Variants in FHIT observed in about 807,000 individuals in gnomAD.
The protein encoded by FHIT is bis(5'-adenosyl)-triphosphatase.
In FHIT, 19 loss-of-function variants were observed where a neutral mutation model predicts 17.9. The observed-to-expected ratio is 1.06, with a 90% CI of 0.74 to 1.56. The LOEUF (loss-of-function observed/expected upper bound fraction) is 1.56, where lower values mean the gene tolerates loss of function less well. Among genes scored for constraint, FHIT ranks in the 40% most tolerant of loss-of-function variants. FHIT has a pLI of 0.00. For synonymous variants in FHIT, 81 were observed against 69.7 expected (o/e 1.16, Z -0.81); for missense variants, 248 against 189.2 (o/e 1.31, Z -1.82).
At chr3:60,755,513 C>A (rs1553718052) in intron 4 of FHIT, among the ~76,000 whole-genome samples, 1 of 152,196 alleles carries the variant, frequency 6.6e-6, no homozygotes, top group East Asian at 1.9e-4. Context: ...AATTTGCAAC[C>A]TCTGGTTTCT....
chr3:60,533,308 G>T (rs112191564), intron 5 of FHIT, among the ~76,000 whole-genome samples: 32 of 152,280 alleles, frequency 2.1e-4, no homozygotes, highest in African/African-American at 7.5e-4. Flanking sequence ...TCTCTATTCT[G>T]TTAACTGGAA....
intron 4 of FHIT, among the ~76,000 whole-genome samples, chr3:60,810,197 C>T (rs528657636): frequency 7.9e-5 from 12 of 152,168 alleles, no homozygotes; most frequent in Non-Finnish European, 1.5e-4. Context: ...TTTTCATCAG[C>T]TGGCAGAATG....
chr3:59,976,322 C>T (rs761102310), intron 7 of FHIT, among the ~76,000 whole-genome samples: 2 of 152,058 alleles, frequency 1.3e-5, no homozygotes, highest in Admixed American at 6.6e-5. Flanking sequence ...CAAAAATACC[C>T]GCTAAAGGAA....
chr3:60,531,765 T>G (rs1406091609), intron 5 of FHIT, among the ~76,000 whole-genome samples: 2 of 152,256 alleles, frequency 1.3e-5, no homozygotes, highest in Non-Finnish European at 2.9e-5. Flanking sequence ...AATGAAGCTA[T>G]TTTTATTATT....
intron 8 of FHIT, among the ~76,000 whole-genome samples, chr3:59,762,917 GCTCA>G (rs1264401867): frequency 6.6e-6 from 1 of 152,176 alleles, no homozygotes; most frequent in African/African-American, 2.4e-5. Flanking sequence ...CTAAAAACAT[GCTCA>G]CTGAGAAATG....
intron 3 of FHIT, among the ~76,000 whole-genome samples, chr3:61,002,452 G>A (rs1208401247): frequency 6.6e-6 from 1 of 152,118 alleles, no homozygotes; most frequent in East Asian, 1.9e-4. Context: ...TGTAGAGACA[G>A]GTTCTCACTA....
At position 59,809,552 on chromosome 3, in the gene FHIT, A is replaced by G. The variant is rs543539897; in HGVS notation, c.349-57231T>C. Among the ~76,000 whole-genome samples the G allele has an allele frequency of 6.6e-5, 10 of 152,278 alleles. No individual in the cohort carries two copies. In the South Asian group the frequency reaches 2.1e-3, roughly 32 times the overall value. ...TCCCAATTCCCTCTTCTTTTATACA[A>G]TTGTACAACCCTATTTGAAACATGG... On this transcript the variant is annotated intron_variant, in intron 8 of 9. Coordinates refer to ENST00000492590, the MANE Select transcript of FHIT (RefSeq NM_002012.4).
chr3:60,282,648 T>A (rs543152775), intron 5 of FHIT, among the ~76,000 whole-genome samples: 2 of 152,126 alleles, frequency 1.3e-5, no homozygotes, highest in Admixed American at 1.3e-4. Context: ...GTATTAATAG[T>A]AGGAGACACT....
At chr3:60,301,478 A>G (rs754824462) in intron 5 of FHIT, among the ~76,000 whole-genome samples, 1 of 152,134 alleles carries the variant, frequency 6.6e-6, no homozygotes, top group Non-Finnish European at 1.5e-5. Flanking sequence ...ACCCATACAC[A>G]TAAACTCTGT....
intron 2 of FHIT, among the ~76,000 whole-genome samples, chr3:61,043,759 A>G (rs142263613): frequency 0.013 from 2,009 of 152,312 alleles, 22 homozygotes; most frequent in Non-Finnish European, 0.019. Context: ...CACACAGCCA[A>G]GTACCCCTCT....
chr3:60,301,115 C>T (rs530389037), intron 5 of FHIT, among the ~76,000 whole-genome samples: 11 of 152,088 alleles, frequency 7.2e-5, no homozygotes, highest in Middle Eastern at 3.4e-3. Context: ...AAAACTGAAA[C>T]GGTTTTCTCT....
intron 5 of FHIT, among the ~76,000 whole-genome samples, chr3:60,432,905 TAGA>T (rs1369877177): frequency 1.0e-5 from 1 of 99,296 alleles, no homozygotes; most frequent in Non-Finnish European, 2.1e-5. Context: ...AAACATTTGC[TAGA>T]AGAATTGTCT....
At chr3:60,342,790 T>A (rs1710590145) in intron 5 of FHIT, among the ~76,000 whole-genome samples, 1 of 152,192 alleles carries the variant, frequency 6.6e-6, no homozygotes, top group Admixed American at 6.5e-5. Flanking sequence ...TGATTACAAA[T>A]GCAGAAGGTA....
intron 5 of FHIT, among the ~76,000 whole-genome samples, chr3:60,119,189 T>A (rs913304808): frequency 1.3e-5 from 2 of 151,698 alleles, no homozygotes; most frequent in Non-Finnish European, 2.9e-5. Context: ...TTCTCCTGCC[T>A]CAGCCTCTCA....
chr3:60,971,846 T>C (rs565608484), intron 3 of FHIT, among the ~76,000 whole-genome samples: 6 of 152,326 alleles, frequency 3.9e-5, no homozygotes, highest in African/African-American at 1.2e-4. Context: ...GCAGGAATCC[T>C]ATTATCAAGA....
rs920576423 is a variant in FHIT, at chr3:59,779,475, T to G, written c.349-27154A>C. On this transcript the variant is annotated intron_variant, in intron 8 of 9. Coordinates refer to ENST00000492590, the MANE Select transcript of FHIT (RefSeq NM_002012.4). The stretch of plus-strand genomic sequence containing the variant: ...CTGAGCTGAGATGATTTATCCTGTG[T>G]GCTACATTAGCTCCATTTGCCATTA... Among the ~76,000 whole-genome samples the G allele has an allele frequency of 3.9e-5, 6 of 152,218 alleles. 1 individual carries two copies. Among genetic ancestry groups the G allele is most frequent in the Middle Eastern group, 6.3e-3 (2 of 316 alleles).
chr3:59,932,687 C>A (rs1438261312), intron 7 of FHIT, among the ~76,000 whole-genome samples: 1 of 152,006 alleles, frequency 6.6e-6, no homozygotes, highest in Non-Finnish European at 1.5e-5. Flanking sequence ...TTAAATCCTA[C>A]TGCAATAAAC....
chr3:60,145,905 C>A (rs983246215), intron 5 of FHIT, among the ~76,000 whole-genome samples: 9 of 152,152 alleles, frequency 5.9e-5, no homozygotes, highest in African/African-American at 2.2e-4. Context: ...AGTGAATAAT[C>A]TGTCAGGTTG....
intron 5 of FHIT, among the ~76,000 whole-genome samples, chr3:60,306,224 C>T (rs141244599): frequency 3.9e-5 from 6 of 152,158 alleles, no homozygotes; most frequent in South Asian, 2.1e-4. Flanking sequence ...AACTAGAGTA[C>T]GCAAAACTCA....
Sources: allele counts gnomAD v4.1 joint callset (sites outside exome capture counted in the v4.1 genomes callset), GRCh38; gene constraint gnomAD v4.1.1; transcripts MANE v1.5; gene names NCBI Gene and HGNC (gene_info 2026-07-23, HGNC 2026-07-21).